BCLAF1: variants seen among roughly 807,000 people sequenced by gnomAD.
BCLAF1 encodes the protein BCL2 associated transcription factor 1, also known as bcl-2-associated transcription factor 1.
In BCLAF1, 10 loss-of-function variants were observed where a neutral mutation model predicts 99.5. That is an observed-to-expected ratio of 0.10 (90% CI 0.06 to 0.17). BCLAF1 has a LOEUF of 0.17. Ranked by LOEUF, BCLAF1 falls within the 10% of genes least tolerant of loss-of-function variation. The pLI is 1.00. For synonymous variants in BCLAF1, 255 were observed against 370.9 expected (o/e 0.69, Z 3.59); for missense variants, 636 against 1,105.8 (o/e 0.58, Z 6.02).
At chr6:136,268,141 A>G in intron 10 of BCLAF1, 21 bp downstream of exon 10, 3 of 1,508,686 alleles carry the variant, frequency 2.0e-6, no homozygotes, top group Non-Finnish European at 2.6e-6. Context: ...CCAAACAATC[A>G]AAGATAATTT....
At chr6:136,273,923 A>T in intron 6 of BCLAF1, 1 of 1,099,410 alleles carries the variant, frequency 9.1e-7, no homozygotes, top group African/African-American at 1.6e-5. Context: ...GAAGCAAGCT[A>T]TCTGCTTAAC....
chr6:136,288,109 C>A (rs756842886), intron 1 of BCLAF1, among the ~76,000 whole-genome samples: 13 of 152,238 alleles, frequency 8.5e-5, no homozygotes, highest in Non-Finnish European at 1.6e-4. Context: ...CACTGTTCCT[C>A]AAAGTCAAGA....
At chr6:136,288,528 T>C (rs1267230362) in intron 1 of BCLAF1, among the ~76,000 whole-genome samples, 1 of 152,228 alleles carries the variant, frequency 6.6e-6, no homozygotes, top group Non-Finnish European at 1.5e-5. Flanking sequence ...ACAAGAAATT[T>C]TGTTTTGCTT....
chr6:136,284,118 G>A (rs113221329), intron 1 of BCLAF1, among the ~76,000 whole-genome samples: 2,697 of 92,464 alleles, frequency 0.029, 74 homozygotes, highest in African/African-American at 0.086. Context: ...ACATATATAT[G>A]TGTGTGTGTG....
chr6:136,283,852 A>T (rs1012358043), intron 1 of BCLAF1, among the ~76,000 whole-genome samples: 1 of 152,176 alleles, frequency 6.6e-6, no homozygotes, highest in Non-Finnish European at 1.5e-5. Flanking sequence ...CTAAAAAAGT[A>T]GCAAAGTCAA....
chr6:136,269,008 T>G lies in BCLAF1; in HGVS notation c.2219+429A>C, dbSNP rs542009310. 6 of 598,978 alleles carry G rather than the reference T, an allele frequency of 1.0e-5. No homozygotes were observed. In the South Asian group the frequency reaches 2.0e-4, roughly 20 times the overall value. The allele number at this position is 598,978 out of a possible 1,614,324, so 37.1% of individuals were successfully genotyped here. ...TATTATTTTGAAAGACTAATACACA[T>G]TGCTATTTCTAGTCCTTCCTCCCCC... is the stretch of plus-strand genomic sequence containing the variant. On this transcript the variant is annotated intron_variant, in intron 9 of 12. Transcript: ENST00000531224.
intron 12 of BCLAF1, 31 bp downstream of exon 12, chr6:136,261,234 T>A (rs1409191925): frequency 1.3e-5 from 21 of 1,601,330 alleles, no homozygotes; most frequent in Admixed American, 1.7e-5. Context: ...TCAAAAAAAA[T>A]CTGTCAGAAT....
chr6:136,262,741 A>T (rs797555), intron 11 of BCLAF1, among the ~76,000 whole-genome samples: 27,877 of 152,112 alleles, frequency 0.18, 2,812 homozygotes, highest in African/African-American at 0.28. Context: ...ATAGTCTGCC[A>T]CTAAAAATAA....
At chr6:136,261,173 C>A (rs1780923504) in intron 12 of BCLAF1, 58 bp from the exon 13 acceptor site, 2 of 1,556,246 alleles carry the variant, frequency 1.3e-6, no homozygotes, top group South Asian at 2.4e-5. Flanking sequence ...GAAAAGGAAC[C>A]ATATTAATAA....
At chr6:136,267,421 T>A (rs1781869222) in intron 10 of BCLAF1, among the ~76,000 whole-genome samples, 1 of 151,974 alleles carries the variant, frequency 6.6e-6, no homozygotes, top group Non-Finnish European at 1.5e-5. Flanking sequence ...TGGACTGAAC[T>A]AATATTTTTA....
In BCLAF1 at chr6:136,260,179, G is replaced by GT. The variant is rs1780789952; in HGVS notation, c.*930dup. 6.6e-6 allele frequency: 1 copy of GT among 151,990 alleles called. No individual in the cohort carries two copies. Among genetic ancestry groups the GT allele is most frequent in the African/African-American group, 2.4e-5 (1 of 41,410 alleles). 9.4% of individuals were successfully genotyped at this position (151,990 alleles called of 1,614,324 possible). A position where few individuals can be genotyped will look rare whatever the true frequency, so the allele number is the denominator to read the frequency against. On this transcript the variant is annotated 3_prime_UTR_variant, in exon 13 of 13. Transcript: ENST00000531224. ...ACTAATGTTCAGCTCAAATAAATATGTAAGATATGAAATCAGGTACTAATG... is the reference window on the plus strand; with the variant it reads ...ACTAATGTTCAGCTCAAATAAATATGTTAAGATATGAAATCAGGTACTAATG...
chr6:136,276,649 C>T (rs1783456014), intron 4 of BCLAF1, 141 bp from the exon 5 acceptor site: 1 of 1,020,892 alleles, frequency 9.8e-7, no homozygotes, highest in Non-Finnish European at 1.3e-6. Context: ...TCAGATTCCA[C>T]TTTTAAAAAT....
At chr6:136,272,719 C>T (rs572352202) in intron 7 of BCLAF1, among the ~76,000 whole-genome samples, 1 of 152,060 alleles carries the variant, frequency 6.6e-6, no homozygotes, top group Admixed American at 6.6e-5. Context: ...TATCTGACTT[C>T]AATGCTCATG....
intron 1 of BCLAF1, among the ~76,000 whole-genome samples, chr6:136,282,890 A>T (rs2128489421): frequency 6.6e-6 from 1 of 152,336 alleles, no homozygotes; most frequent in Non-Finnish European, 1.5e-5. Context: ...GCAGTAGCGT[A>T]TCATGAAACT....
chr6:136,266,921 A>AT (rs1465378011), intron 11 of BCLAF1, 108 bp downstream of exon 11: 2 of 1,360,900 alleles, frequency 1.5e-6, no homozygotes, highest in African/African-American at 1.5e-5. Context: ...GGTTTCCCAC[A>AT]TAACGGTGAA....
chr6:136,263,524 T>C (rs1245656213), intron 11 of BCLAF1, among the ~76,000 whole-genome samples: 1 of 152,204 alleles, frequency 6.6e-6, no homozygotes, highest in Admixed American at 6.5e-5. Context: ...ATTATTAAAA[T>C]GTTTAATTTT....
rs797559 is a variant in BCLAF1, at chr6:136,280,722, A to G, written c.-10-846T>C. Among the ~76,000 whole-genome samples the G allele has an allele frequency of 7.9e-3, 1,202 of 152,334 alleles. 11 individuals are homozygous for G. Among genetic ancestry groups the G allele is most frequent in the Non-Finnish European group, 0.012 (843 of 68,016 alleles). ...AGTAACTGTCAAAACTAATTGATTT[A>G]TAAGATCTACTAATTGAAAAAACAT... On this transcript the variant is annotated intron_variant, in intron 2 of 12. Transcript: ENST00000531224.
chr6:136,269,648 G>C (rs1403479246), intron 8 of BCLAF1, 36 bp from the exon 9 acceptor site: 2 of 1,497,182 alleles, frequency 1.3e-6, no homozygotes, highest in Non-Finnish European at 1.8e-6. Flanking sequence ...GATTTCAGGG[G>C]AGAAATAGAA....
In BCLAF1 at chr6:136,258,171, A is replaced by T. The variant is rs1471741346; in HGVS notation, c.*2939T>A. ...GTAAGAATTATACCACATCTTACTT[A>T]AAGTGAATGAAAAGACAATTCTTTT... is the stretch of plus-strand genomic sequence containing the variant. On this transcript the variant is annotated 3_prime_UTR_variant, in exon 13 of 13. Transcript: ENST00000531224. 1.3e-5 allele frequency: 2 copies of T among 152,076 alleles called. No individual in the cohort carries two copies. The highest frequency in any genetic ancestry group is 2.9e-5 in the Non-Finnish European group (2 of 67,916). The allele number at this position is 152,076 out of a possible 1,614,324, so 9.4% of individuals were successfully genotyped here.
Sources: gnomAD v4.1 joint callset for allele counts (sites outside exome capture counted in the v4.1 genomes callset) on GRCh38, gnomAD v4.1.1 for gene constraint, MANE v1.5 for transcripts, NCBI Gene and HGNC (gene_info 2026-07-23, HGNC 2026-07-21) for gene names.